SIAH3: variants seen among roughly 807,000 people sequenced by gnomAD.
SIAH3 encodes seven in absentia homolog 3.
A neutral mutation model predicts 12.6 loss-of-function variants in SIAH3; 9 were observed. The observed-to-expected ratio is 0.72, with a 90% CI of 0.43 to 1.25. SIAH3 has a LOEUF of 1.25. Ranked by LOEUF, SIAH3 falls within the 50% of genes most tolerant of loss-of-function variation. SIAH3 has a pLI of 0.00. For synonymous variants in SIAH3, 154 were observed against 151.1 expected, an observed-to-expected ratio of 1.02 and a Z score of -0.14; for missense variants, 390 against 365.4, an observed-to-expected ratio of 1.07 and a Z score of -0.55.
Position 45,783,391 on chromosome 13 carries a change from C to A in SIAH3, c.802G>T (p.Glu268Ter). Reference protein sequence around the residue: ...TATEVLPSEAEM With the variant: ...TATEVLPSEA Reference sequence around the variant, plus strand: ...ATCCGTGGCTCCTGGCCTCACATTTCAGCTTCTGAGGGGAGGACCTCTGTC... The same window carrying A: ...ATCCGTGGCTCCTGGCCTCACATTTAAGCTTCTGAGGGGAGGACCTCTGTC... The change falls in exon 2 of 2, where the codon GAA (glutamate) becomes TAA (stop). Residue 268 changes from glutamate (E) to a stop codon, truncating the protein, a stop_gained. Transcript: ENST00000400405. LOFTEE classifies it high-confidence loss of function. The A allele has an allele frequency of 6.2e-7, 1 of 1,607,826 alleles. No individual in the cohort carries two copies. The highest frequency in any genetic ancestry group is 1.1e-5 in the South Asian group (1 of 90,676).
chr13:45,779,004 T>A lies in SIAH3; in HGVS notation c.*4379A>T, dbSNP rs1950494287. 6.6e-6 allele frequency: 1 copy of A among 152,182 alleles called. No individual in the cohort carries two copies. The allele number at this position is 152,182 out of a possible 1,614,324, so 9.4% of individuals were successfully genotyped here. ...TACTGTTAAGTGCTTAACAACTGGC[T>A]TTCTAGGGAGAAAAATCCCTGTCTA... On this transcript the variant is annotated 3_prime_UTR_variant, in exon 2 of 2. Transcript: ENST00000400405.
At chr13:45,826,774 T>C (rs1265898390) in intron 1 of SIAH3, among the ~76,000 whole-genome samples, 1 of 152,122 alleles carries the variant, frequency 6.6e-6, no homozygotes, top group Non-Finnish European at 1.5e-5. Context: ...GTGTGAGTTG[T>C]GGGTTCCCTA....
intron 1 of SIAH3, among the ~76,000 whole-genome samples, chr13:45,795,283 C>A (rs754855598): frequency 6.6e-6 from 1 of 152,124 alleles, no homozygotes; most frequent in Non-Finnish European, 1.5e-5. Context: ...ACCCAGAGAC[C>A]CTTGTTGCCA....
chr13:45,784,495 G>A (rs1487196899), intron 1 of SIAH3, among the ~76,000 whole-genome samples: 1 of 138,546 alleles, frequency 7.2e-6, no homozygotes, highest in South Asian at 2.4e-4. Flanking sequence ...TTTTGTCATA[G>A]TTATTAATTT....
chr13:45,803,141 T>G (rs1428784169), intron 1 of SIAH3, among the ~76,000 whole-genome samples: 1 of 152,074 alleles, frequency 6.6e-6, no homozygotes, highest in African/African-American at 2.4e-5. Context: ...CTTAATCTTT[T>G]AAGTAGTTTG....
At position 45,781,263 on chromosome 13, in the gene SIAH3, G is replaced by T. The variant is rs551987905; in HGVS notation, c.*2120C>A. The T allele has an allele frequency of 1.5e-4, 23 of 152,626 alleles. No individual in the cohort carries two copies. The highest frequency in any genetic ancestry group is 5.5e-4 in the African/African-American group (23 of 41,562). 9.5% of individuals were successfully genotyped at this position (152,626 alleles called of 1,614,324 possible). A position where few individuals can be genotyped will look rare whatever the true frequency, so the allele number is the denominator to read the frequency against. On this transcript the variant is annotated 3_prime_UTR_variant, in exon 2 of 2. Coordinates refer to ENST00000400405, the MANE Select transcript of SIAH3 (RefSeq NM_198849.3). ...AGTGAGGTTTTTGTTTGTTGATCTG[G>T]AGCACCTGTGATGCTACACAAATGC...
chr13:45,817,443 A>C (rs1473505613), intron 1 of SIAH3, among the ~76,000 whole-genome samples: 1 of 152,266 alleles, frequency 6.6e-6, no homozygotes, highest in Non-Finnish European at 1.5e-5. Flanking sequence ...GTATTTCTGT[A>C]AACAACACAC....
intron 1 of SIAH3, among the ~76,000 whole-genome samples, chr13:45,849,761 C>T (rs1391922972): frequency 1.3e-5 from 2 of 152,234 alleles, no homozygotes; most frequent in Non-Finnish European, 2.9e-5. Context: ...TCTCTATTCT[C>T]CATCATCAGC....
At chr13:45,826,711 G>A (rs946121043) in intron 1 of SIAH3, among the ~76,000 whole-genome samples, 5 of 152,160 alleles carry the variant, frequency 3.3e-5, no homozygotes, top group Non-Finnish European at 5.9e-5. Context: ...CTCTCTAGGA[G>A]TTTACAGTCC....
chr13:45,851,441 C>T (rs1950781473), intron 1 of SIAH3, 54 bp downstream of exon 1: 3 of 1,601,718 alleles, frequency 1.9e-6, no homozygotes, highest in Non-Finnish European at 2.6e-6. Flanking sequence ...CTGCCGCCTC[C>T]GAGAAAGGAC....
In SIAH3 at chr13:45,839,702, C is replaced by G. The variant is rs550740380; in HGVS notation, c.135+11793G>C. Among the ~76,000 whole-genome samples the G allele has an allele frequency of 3.9e-5, 6 of 152,048 alleles. No individual in the cohort carries two copies. The South Asian group carries it at 1.0e-3, about 26-fold the overall frequency. On this transcript the variant is annotated intron_variant, in intron 1 of 1. Coordinates refer to ENST00000400405, the MANE Select transcript of SIAH3 (RefSeq NM_198849.3). ...AAAAAATTAGCCGGGCGTGGTGGTACCTGCCTGTAATCCCAGCTACTAGGG... is the reference window on the plus strand; with the variant it reads ...AAAAAATTAGCCGGGCGTGGTGGTAGCTGCCTGTAATCCCAGCTACTAGGG...
At chr13:45,835,687 C>T (rs192895179) in intron 1 of SIAH3, among the ~76,000 whole-genome samples, 261 of 152,258 alleles carry the variant, frequency 1.7e-3, no homozygotes, top group African/African-American at 5.8e-3. Flanking sequence ...CTTAGCATTA[C>T]GCTAAACCTT....
intron 1 of SIAH3, among the ~76,000 whole-genome samples, chr13:45,801,351 A>AT (rs904111944): frequency 6.6e-6 from 1 of 152,196 alleles, no homozygotes; most frequent in African/African-American, 2.4e-5. Context: ...GACAGAGGAC[A>AT]TCCCTGAATG....
intron 1 of SIAH3, among the ~76,000 whole-genome samples, chr13:45,848,493 T>C (rs1950768362): frequency 1.3e-5 from 2 of 152,206 alleles, no homozygotes; most frequent in Admixed American, 6.5e-5. Flanking sequence ...AGGAAAGGCA[T>C]CAGCTTGCTC....
Position 45,782,227 on chromosome 13 carries a change from A to G in SIAH3, c.*1156T>C, listed in dbSNP as rs572598556. 1.3e-5 allele frequency: 2 copies of G among 152,364 alleles called. No individual in the cohort carries two copies. The highest frequency in any genetic ancestry group is 4.8e-5 in the African/African-American group (2 of 41,592). 9.4% of individuals were successfully genotyped at this position (152,364 alleles called of 1,614,324 possible). ...ATGGATTTCCGTCACTGTGTCATTC[A>G]TACTGCAACAGGTGCTGAATACATA... On this transcript the variant is annotated 3_prime_UTR_variant, in exon 2 of 2. Transcript: ENST00000400405.
intron 1 of SIAH3, among the ~76,000 whole-genome samples, chr13:45,838,565 G>T (rs574599102): frequency 6.6e-6 from 1 of 152,236 alleles, no homozygotes; most frequent in Non-Finnish European, 1.5e-5. Context: ...AGGCCACCAC[G>T]CTGGGGGGCA....
intron 1 of SIAH3, among the ~76,000 whole-genome samples, chr13:45,804,560 G>A (rs1368255671): frequency 2.6e-5 from 4 of 152,008 alleles, no homozygotes; most frequent in Non-Finnish European, 5.9e-5. Flanking sequence ...AAAGGTATGT[G>A]ATAACTCAAA....
At chr13:45,840,383 T>C (rs956040130) in intron 1 of SIAH3, among the ~76,000 whole-genome samples, 6 of 152,232 alleles carry the variant, frequency 3.9e-5, no homozygotes, top group African/African-American at 1.4e-4. Flanking sequence ...TAATGAATTA[T>C]CCTGAGGATT....
At chr13:45,787,127 C>G (rs1566086582) in intron 1 of SIAH3, among the ~76,000 whole-genome samples, 1 of 151,966 alleles carries the variant, frequency 6.6e-6, no homozygotes, top group Non-Finnish European at 1.5e-5. Flanking sequence ...GTGCACTCAG[C>G]AAAGATGGCT....
Sources: allele counts gnomAD v4.1 joint callset (sites outside exome capture counted in the v4.1 genomes callset), GRCh38; gene constraint gnomAD v4.1.1; transcripts MANE v1.5; gene names NCBI Gene and HGNC (gene_info 2026-07-23, HGNC 2026-07-21).